Variants in CNST observed in about 807,000 individuals in gnomAD.
CNST encodes the protein consortin, connexin sorting protein.
In CNST, 39 loss-of-function variants were observed where a neutral mutation model predicts 72.4. The observed-to-expected ratio is 0.54, with a 90% CI of 0.42 to 0.70. The LOEUF is 0.70. Ranked by LOEUF, CNST falls within the 30% of genes least tolerant of loss-of-function variation. The pLI is 0.00. For synonymous variants in CNST, 332 were observed against 320.1 expected (o/e 1.04, Z -0.40); for missense variants, 871 against 868.5 (o/e 1.00, Z -0.04).
At chr1:246,648,629 C>T (rs1243515327) in intron 9 of CNST, among the ~76,000 whole-genome samples, 1 of 152,042 alleles carries the variant, frequency 6.6e-6, no homozygotes, top group Non-Finnish European at 1.5e-5. Flanking sequence ...AAAGCCATAT[C>T]CAAACTACAG....
intron 5 of CNST, 126 bp from the exon 6 acceptor site, chr1:246,634,347 G>C (rs1189321167): frequency 1.7e-6 from 1 of 599,216 alleles, no homozygotes; most frequent in Non-Finnish European, 2.9e-6. Flanking sequence ...TCTAACTGTT[G>C]GGTTGTTTGA....
chr1:246,625,047 T>C (rs1327710442), intron 3 of CNST, among the ~76,000 whole-genome samples: 1 of 152,234 alleles, frequency 6.6e-6, no homozygotes, highest in African/African-American at 2.4e-5. Flanking sequence ...CCCCTAAATA[T>C]TTGTACATAA....
chr1:246,580,737 GTTTCTTTTTT>G (rs1043750854), intron 1 of CNST, among the ~76,000 whole-genome samples: 1 of 151,900 alleles, frequency 6.6e-6, no homozygotes, highest in Non-Finnish European at 1.5e-5. Flanking sequence ...CTTTCTGAAG[GTTTCTTTTTT>G]TTTCTTTTTT....
intron 2 of CNST, chr1:246,606,594 C>G (rs1328940768): frequency 5.3e-5 from 8 of 151,888 alleles, no homozygotes; most frequent in Non-Finnish European, 1.0e-4. Flanking sequence ...CTAGAGCAGC[C>G]TGTAGTCTAA....
At chr1:246,569,874 A>G in intron 1 of CNST, 1 of 897,620 alleles carries the variant, frequency 1.1e-6, no homozygotes, top group Non-Finnish European at 1.3e-6. Flanking sequence ...AAGGCACAGT[A>G]TGAGTTTCTG....
At chr1:246,571,160 C>T (rs1478466395) in intron 1 of CNST, among the ~76,000 whole-genome samples, 3 of 152,140 alleles carry the variant, frequency 2.0e-5, no homozygotes, top group Non-Finnish European at 4.4e-5. Flanking sequence ...TTGTTTTTAT[C>T]CTTTTTGAGA....
chr1:246,617,971 C>G (rs1663812268), intron 2 of CNST, among the ~76,000 whole-genome samples: 1 of 152,220 alleles, frequency 6.6e-6, no homozygotes, highest in African/African-American at 2.4e-5. Flanking sequence ...TTGCAGCACG[C>G]TTCTTGCAAG....
intron 2 of CNST, chr1:246,607,776 TATTCATCCCCCCAAGC>T (rs1426860208): frequency 1.3e-5 from 2 of 152,184 alleles, no homozygotes. Flanking sequence ...AGGGAGGAGT[TATTCATCCCCCCAAGC>T]TTTCAGGCCC....
At chr1:246,568,529 G>C (rs1297223191) in intron 1 of CNST, among the ~76,000 whole-genome samples, 5 of 152,180 alleles carry the variant, frequency 3.3e-5, no homozygotes, top group African/African-American at 1.2e-4. Flanking sequence ...TGATTAGTGT[G>C]CAGTATTTCC....
In CNST at chr1:246,620,827, CACG is replaced by C. The variant is rs1158932967; in HGVS notation, c.380-598_380-596del. Among the ~76,000 whole-genome samples the C allele has an allele frequency of 2.6e-5, 4 of 151,812 alleles. No individual in the cohort carries two copies. In the East Asian group the frequency reaches 7.8e-4, roughly 30 times the overall value. On this transcript the variant is annotated intron_variant, in intron 2 of 10. Coordinates refer to ENST00000366513, the MANE Select transcript of CNST (RefSeq NM_152609.3). ...GAAGACGGCTTCAGTCGTGCATACACACGACGGGCTCTGGGCACACTCTACAGG... is the reference window on the plus strand; with the variant it reads ...GAAGACGGCTTCAGTCGTGCATACACACGGGCTCTGGGCACACTCTACAGG...
rs1178405952 is a variant in CNST at position 246,647,455 on chromosome 1, T to C, written c.1254T>C (p.Ala418=). The C allele has an allele frequency of 1.9e-6, 3 of 1,614,212 alleles. No individual in the cohort carries two copies. Among genetic ancestry groups the C allele is most frequent in the South Asian group, 2.2e-5 (2 of 91,080 alleles). ...ATGTGGCCAGAATAGAGGGCATTGC[T>C]GAAGACCCTAAGGTGTTTCTTTCCA... The part of the protein sequence containing the change: ...CQDVARIEGI[A]EDPKVFLSSK... Residue 418 remains alanine, a synonymous_variant, in exon 9 of 11, where the codon GCT becomes GCC. Coordinates refer to ENST00000366513, the MANE Select transcript of CNST (RefSeq NM_152609.3).
intron 8 of CNST, among the ~76,000 whole-genome samples, chr1:246,646,334 T>C (rs1442564834): frequency 1.3e-5 from 2 of 151,844 alleles, no homozygotes; most frequent in Non-Finnish European, 2.9e-5. Flanking sequence ...AGTGGTATTA[T>C]GGTCAAATTA....
chr1:246,595,811 T>C (rs969268060), intron 2 of CNST, among the ~76,000 whole-genome samples: 1 of 152,168 alleles, frequency 6.6e-6, no homozygotes, highest in Non-Finnish European at 1.5e-5. Flanking sequence ...CACTCTATGC[T>C]CCCTTGTCTA....
chr1:246,590,521 T>C (rs1177645131), intron 1 of CNST, among the ~76,000 whole-genome samples: 1 of 152,094 alleles, frequency 6.6e-6, no homozygotes, highest in Non-Finnish European at 1.5e-5. Flanking sequence ...TCTCCTTCCT[T>C]AATGGTATAG....
intron 1 of CNST, among the ~76,000 whole-genome samples, chr1:246,589,107 GTTTT>G (rs1661373637): frequency 6.6e-6 from 1 of 151,780 alleles, no homozygotes; most frequent in African/African-American, 2.4e-5. Flanking sequence ...TATTATTATT[GTTTT>G]ATTTTATTTT....
rs75512302 is a variant in CNST at position 246,624,284 on chromosome 1, C to T, written c.585+2650C>T. On this transcript the variant is annotated intron_variant, in intron 3 of 10. Transcript: ENST00000366513. The stretch of plus-strand genomic sequence containing the variant: ...CACTGCATTTGAACAGTGGATTGCA[C>T]GGCAATCTTTTCTCTCCTGGGAAAG... Among the ~76,000 whole-genome samples, 1,086 of 152,250 alleles carry T rather than the reference C, an allele frequency of 7.1e-3. 11 individuals carry two copies. The highest frequency in any genetic ancestry group is 0.012 in the Non-Finnish European group (794 of 68,010).
At chr1:246,581,756 G>A (rs764224632) in intron 1 of CNST, among the ~76,000 whole-genome samples, 3 of 152,176 alleles carry the variant, frequency 2.0e-5, no homozygotes, top group Admixed American at 1.3e-4. Flanking sequence ...TTGAAGAAAC[G>A]TTAGTAGCTT....
At chr1:246,603,357 C>T (rs1332639853) in intron 2 of CNST, among the ~76,000 whole-genome samples, 1 of 151,984 alleles carries the variant, frequency 6.6e-6, no homozygotes, top group African/African-American at 2.4e-5. Context: ...AAATAGTCAC[C>T]TTTTGCTTTT....
intron 2 of CNST, among the ~76,000 whole-genome samples, chr1:246,610,503 C>G (rs534456644): frequency 9.4e-4 from 143 of 152,276 alleles, no homozygotes; most frequent in African/African-American, 3.3e-3. Context: ...CCAGAATGGG[C>G]CACACTGTAC....
Sources: gnomAD v4.1 joint callset for allele counts (sites outside exome capture counted in the v4.1 genomes callset) on GRCh38, gnomAD v4.1.1 for gene constraint, MANE v1.5 for transcripts, NCBI Gene and HGNC (gene_info 2026-07-23, HGNC 2026-07-21) for gene names.